PPP1R12A: variants seen among roughly 807,000 people sequenced by gnomAD.
PPP1R12A encodes myosin binding subunit.
PPP1R12A carries 19 observed loss-of-function variants against 139.6 expected under a neutral mutation model. The ratio of observed to expected loss-of-function variants is 0.14; its 90% CI spans 0.09 to 0.20. PPP1R12A has a LOEUF of 0.20. Ranked by LOEUF, PPP1R12A falls within the 10% of genes least tolerant of loss-of-function variation. PPP1R12A has a pLI of 1.00. For synonymous variants in PPP1R12A, 427 were observed against 420.6 expected, an observed-to-expected ratio of 1.02 and a Z score of -0.19; for missense variants, 925 against 1,211.5, an observed-to-expected ratio of 0.76 and a Z score of 3.51.
At chr12:79,848,061 A>G (rs1230214579) in intron 2 of PPP1R12A, among the ~76,000 whole-genome samples, 2 of 152,170 alleles carry the variant, frequency 1.3e-5, no homozygotes, top group East Asian at 3.9e-4. Flanking sequence ...TGTTCTGGAC[A>G]TGTGTATCTG....
chr12:79,860,530 T>C (rs1379455092), intron 2 of PPP1R12A, among the ~76,000 whole-genome samples: 2 of 152,176 alleles, frequency 1.3e-5, no homozygotes, highest in African/African-American at 4.8e-5. Context: ...GAGAAATACG[T>C]GTGTGATATT....
chr12:79,906,621 G>A (rs780295360), intron 1 of PPP1R12A, among the ~76,000 whole-genome samples: 11 of 149,888 alleles, frequency 7.3e-5, no homozygotes, highest in African/African-American at 2.5e-4. Context: ...ATGTATGTAT[G>A]TATTTATTTA....
In PPP1R12A at chr12:79,788,640, C is replaced by A; in HGVS notation, c.2802+8G>T. On this transcript the variant is annotated splice_region_variant and intron_variant, in intron 21 of 24. Transcript: ENST00000450142. ...TTTTTATTAAATATAACTAAATAACCCAAGTACCTTTTTAAAGTCAGTTGA... is the reference window on the plus strand; with the variant it reads ...TTTTTATTAAATATAACTAAATAACACAAGTACCTTTTTAAAGTCAGTTGA... 2 of 1,602,606 alleles carry A rather than the reference C, an allele frequency of 1.2e-6. No individual in the cohort carries two copies. Among genetic ancestry groups the A allele is most frequent in the Non-Finnish European group, 1.7e-6 (2 of 1,175,378 alleles).
chr12:79,915,044 T>C (rs1951230791), intron 1 of PPP1R12A, among the ~76,000 whole-genome samples: 3 of 152,076 alleles, frequency 2.0e-5, no homozygotes, highest in Admixed American at 2.0e-4. Flanking sequence ...TCCTAACTAA[T>C]ATATGCACAA....
intron 1 of PPP1R12A, among the ~76,000 whole-genome samples, chr12:79,918,585 C>T (rs965488531): frequency 1.3e-5 from 2 of 152,062 alleles, no homozygotes; most frequent in African/African-American, 4.8e-5. Flanking sequence ...CAAGCCAATC[C>T]ACCTCCAATT....
At chr12:79,791,453 G>C (rs1871845453) in intron 19 of PPP1R12A, among the ~76,000 whole-genome samples, 1 of 152,000 alleles carries the variant, frequency 6.6e-6, no homozygotes, top group Admixed American at 6.6e-5. Flanking sequence ...CAGCCTCCTA[G>C]TTAGCTGGGA....
intron 2 of PPP1R12A, among the ~76,000 whole-genome samples, chr12:79,864,269 T>G (rs965556281): frequency 6.6e-6 from 1 of 152,188 alleles, no homozygotes; most frequent in Non-Finnish European, 1.5e-5. Context: ...AAGGCAGAGA[T>G]AAAGATGTTC....
intron 1 of PPP1R12A, among the ~76,000 whole-genome samples, chr12:79,906,388 T>C (rs781242683): frequency 2.0e-5 from 3 of 151,702 alleles, no homozygotes; most frequent in Non-Finnish European, 2.9e-5. Context: ...GCAAAAGGAG[T>C]ATACCAATAT....
intron 14 of PPP1R12A, among the ~76,000 whole-genome samples, chr12:79,798,838 A>G (rs1872759725): frequency 6.6e-6 from 1 of 152,158 alleles, no homozygotes; most frequent in Non-Finnish European, 1.5e-5. Flanking sequence ...AAATAATGTA[A>G]TTTAATTTTA....
At chr12:79,934,565 C>T (rs1381224086) in intron 1 of PPP1R12A, 130 bp downstream of exon 1, 1 of 888,950 alleles carries the variant, frequency 1.1e-6, no homozygotes, top group Non-Finnish European at 1.6e-6. Flanking sequence ...GGGGAAACCG[C>T]CCCCTCACCC....
chr12:79,891,786 C>A (rs1220498965), intron 1 of PPP1R12A, among the ~76,000 whole-genome samples: 1 of 152,174 alleles, frequency 6.6e-6, no homozygotes, highest in Non-Finnish European at 1.5e-5. Context: ...CTGGGATAAG[C>A]CAAATGTCAT....
chr12:79,777,211 G>A, intron 24 of PPP1R12A: 1 of 922,766 alleles, frequency 1.1e-6, no homozygotes, highest in Non-Finnish European at 1.3e-6. Flanking sequence ...GTAAAGAACT[G>A]TAAATAATAG....
At chr12:79,894,321 C>A (rs1381476171) in intron 1 of PPP1R12A, among the ~76,000 whole-genome samples, 1 of 152,140 alleles carries the variant, frequency 6.6e-6, no homozygotes, top group Non-Finnish European at 1.5e-5. Flanking sequence ...GGCAAAAAGA[C>A]AGAACTGAAG....
chr12:79,818,894 A>C (rs977503780), intron 8 of PPP1R12A: 1 of 152,238 alleles, frequency 6.6e-6, no homozygotes, highest in African/African-American at 2.4e-5. Context: ...ATGGTTTACA[A>C]ATTGTCAAAT....
At chr12:79,897,400 G>A (rs576130086) in intron 1 of PPP1R12A, among the ~76,000 whole-genome samples, 2 of 152,116 alleles carry the variant, frequency 1.3e-5, no homozygotes, top group Non-Finnish European at 2.9e-5. Flanking sequence ...GTCGGGGAGG[G>A]AACAAGGGAG....
chr12:79,856,441 G>A (rs559784851), intron 2 of PPP1R12A, among the ~76,000 whole-genome samples: 47 of 152,146 alleles, frequency 3.1e-4, no homozygotes, highest in Non-Finnish European at 6.2e-4. Flanking sequence ...AATCATACAA[G>A]ACATAAATGC....
At chr12:79,831,482 C>G (rs1219296844) in intron 4 of PPP1R12A, among the ~76,000 whole-genome samples, 1 of 152,066 alleles carries the variant, frequency 6.6e-6, no homozygotes, top group Non-Finnish European at 1.5e-5. Flanking sequence ...ACTAGAGAGG[C>G]TGAGGTGGGA....
chr12:79,816,900 T>C (rs1875461831), intron 9 of PPP1R12A, among the ~76,000 whole-genome samples: 1 of 152,216 alleles, frequency 6.6e-6, no homozygotes. Context: ...CATACCAAAG[T>C]TGCCTGCCTA....
intron 2 of PPP1R12A, among the ~76,000 whole-genome samples, chr12:79,846,643 G>A (rs757436985): frequency 1.2e-4 from 17 of 145,972 alleles, no homozygotes; most frequent in Admixed American, 9.1e-4. Context: ...AGGTTTCACC[G>A]TGGTCTCAAT....
Sources: allele counts gnomAD v4.1 joint callset (sites outside exome capture counted in the v4.1 genomes callset), GRCh38; gene constraint gnomAD v4.1.1; transcripts MANE v1.5; gene names NCBI Gene and HGNC (gene_info 2026-07-23, HGNC 2026-07-21).